KRTAP4-7: variants seen among roughly 807,000 people sequenced by gnomAD.
KRTAP4-7 encodes the protein keratin associated protein 4-7.
A neutral mutation model predicts 3.0 loss-of-function variants in KRTAP4-7; 1 was observed. The ratio of observed to expected loss-of-function variants is 0.33; its 90% CI spans 0.12 to 1.57. The LOEUF is 1.57. Among genes scored for constraint, KRTAP4-7 ranks in the 40% most tolerant of loss-of-function variants. KRTAP4-7 has a pLI of 0.37. For synonymous variants in KRTAP4-7, 70 were observed against 74.6 expected, an observed-to-expected ratio of 0.94 and a Z score of 0.32; for missense variants, 199 against 209.1, an observed-to-expected ratio of 0.95 and a Z score of 0.30.
exon 1 of KRTAP4-7, chr17:41,085,107 T>C (rs4544293): frequency 0.62 from 129,461 of 208,678 alleles, 40,589 homozygotes; most frequent in Middle Eastern, 0.69. Context: ...TGCTTTGTTG[T>C]ATCTCTGCTT....
exon 1 of KRTAP4-7, chr17:41,084,708 C>T: frequency 1.3e-6 from 2 of 1,554,626 alleles, no homozygotes; most frequent in Non-Finnish European, 1.7e-6. Flanking sequence ...CCCTTCACCA[C>T]TGGCCCACAG....
At chr17:41,085,020 A>G in exon 1 of KRTAP4-7, 1 of 397,740 alleles carries the variant, frequency 2.5e-6, no homozygotes, top group Non-Finnish European at 4.6e-6. Context: ...CTGCAGGACC[A>G]GTTTTGTCAC....
rs1357929013 is a variant in KRTAP4-7 at position 41,084,708 on chromosome 17, C to A, written c.*34C>A. ...CCCTGGCTCACGTCCCCCTTCACCA[C>A]TGGCCCACAGATGTAGACCCTTCTA... On this transcript the variant is annotated 3_prime_UTR_variant, in exon 1 of 1. Transcript: ENST00000391417. The A allele has an allele frequency of 3.2e-6, 5 of 1,554,508 alleles. No homozygotes were observed. In the African/African-American group the frequency reaches 6.8e-5, roughly 21 times the overall value.
rs961768158 is a variant in KRTAP4-7, at chr17:41,084,370, G to A, written c.164G>A (p.Cys55Tyr). Residue 55 changes from cysteine to tyrosine, a missense_variant, in exon 1 of 1, where the codon TGC becomes TAC. Transcript: ENST00000391417. Reference sequence around the variant, plus strand: ...TCCAGCTGCTGCAGGCCCCAGTGCTGCCAGTCTGTGTGCTGCCAACCCACC... The same window carrying A: ...TCCAGCTGCTGCAGGCCCCAGTGCTACCAGTCTGTGTGCTGCCAACCCACC... The A allele has an allele frequency of 6.4e-7, 1 of 1,574,642 alleles. No individual in the cohort carries two copies. Among genetic ancestry groups the A allele is most frequent in the Non-Finnish European group, 8.7e-7 (1 of 1,155,632 alleles).
At chr17:41,084,806 G>A in exon 1 of KRTAP4-7, 1 of 1,346,294 alleles carries the variant, frequency 7.4e-7, no homozygotes, top group Non-Finnish European at 1.0e-6. Flanking sequence ...CTTCCAAAGA[G>A]CCCACCACCA....
exon 1 of KRTAP4-7, chr17:41,084,952 C>T (rs1438533184): frequency 1.2e-5 from 7 of 595,852 alleles, no homozygotes; most frequent in Non-Finnish European, 8.8e-6. Flanking sequence ...TTCTGATTTC[C>T]TTATTTTCTT....
exon 1 of KRTAP4-7, chr17:41,084,368 C>T (rs1181473471): frequency 1.9e-6 from 3 of 1,574,842 alleles, no homozygotes; most frequent in Non-Finnish European, 2.6e-6. Context: ...GGCCCCAGTG[C>T]TGCCAGTCTG....
chr17:41,084,337 G>C, exon 1 of KRTAP4-7: 1 of 1,613,916 alleles, frequency 6.2e-7, no homozygotes, highest in Non-Finnish European at 8.5e-7. Context: ...CGCCCCAGCT[G>C]TTGTGTGTCC....
Position 41,084,654 on chromosome 17 carries a change from T to C in KRTAP4-7, c.448T>C (p.Cys150Arg), listed in dbSNP as rs753105638. ...CTCCACCTGTCCCCGCCCCTTGTGCTGTGCCTCCTCTTGCTGCTGAGCCCA... is the reference window on the plus strand; with the variant it reads ...CTCCACCTGTCCCCGCCCCTTGTGCCGTGCCTCCTCTTGCTGCTGAGCCCA... Residue 150 changes from cysteine to arginine, a missense_variant, in exon 1 of 1, where the codon TGT becomes CGT. Coordinates refer to ENST00000391417, the Ensembl canonical transcript of KRTAP4-7. The C allele has an allele frequency of 8.8e-6, 14 of 1,597,292 alleles. No individual in the cohort carries two copies. The Admixed American group carries it at 2.3e-4, about 26-fold the overall frequency.
At chr17:41,084,700 C>G (rs771992751) in exon 1 of KRTAP4-7, 4 of 1,562,592 alleles carry the variant, frequency 2.6e-6, no homozygotes, top group Non-Finnish European at 3.5e-6. Context: ...TCACGTCCCC[C>G]TTCACCACTG....
chr17:41,084,592 C>T lies in KRTAP4-7; in HGVS notation c.386C>T (p.Ser129Phe). 6.4e-7 allele frequency: 1 copy of T among 1,564,222 alleles called. No homozygotes were observed. The highest frequency in any genetic ancestry group is 8.7e-7 in the Non-Finnish European group (1 of 1,154,404). The stretch of plus-strand genomic sequence containing the variant: ...CTGCGTCCAGTCTGTGGCCGAGTCT[C>T]CTGCCACACCACTTGCTATCGCCCA... The change falls in exon 1 of 1, where the codon TCC becomes TTC. Residue 129 changes from serine to phenylalanine, a missense_variant. Coordinates refer to ENST00000391417, the Ensembl canonical transcript of KRTAP4-7.
In KRTAP4-7 at chr17:41,084,463, G is replaced by A. The variant is rs1346422780; in HGVS notation, c.257G>A (p.Arg86His). 3.7e-5 allele frequency: 56 copies of A among 1,516,914 alleles called. No homozygotes were observed. In the East Asian group the frequency reaches 7.6e-4, roughly 21 times the overall value. 94.0% of individuals were successfully genotyped at this position (1,516,914 alleles called of 1,614,324 possible). The stretch of plus-strand genomic sequence containing the variant: ...AGGTGCTGCATCTCCAGCTGCTGCC[G>A]CCCCAGCTGCTGTATGTCCAGCTGC... Residue 86 changes from arginine (R) to histidine (H), a missense_variant, in exon 1 of 1, where the codon CGC becomes CAC. Coordinates refer to ENST00000391417, the Ensembl canonical transcript of KRTAP4-7.
At chr17:41,084,462 C>T (rs772699575) in exon 1 of KRTAP4-7, 10 of 1,516,028 alleles carry the variant, frequency 6.6e-6, no homozygotes, top group African/African-American at 2.8e-5. Flanking sequence ...CAGCTGCTGC[C>T]GCCCCAGCTG....
At chr17:41,084,582 G>A in exon 1 of KRTAP4-7, 1 of 1,588,416 alleles carries the variant, frequency 6.3e-7, no homozygotes, top group Non-Finnish European at 8.6e-7. Flanking sequence ...TCCAGTCTGT[G>A]GCCGAGTCTC....
At chr17:41,084,360 C>A in exon 1 of KRTAP4-7, 1 of 1,575,200 alleles carries the variant, frequency 6.3e-7, no homozygotes. Flanking sequence ...CTGCTGCAGG[C>A]CCCAGTGCTG....
exon 1 of KRTAP4-7, chr17:41,084,378 G>C: frequency 7.0e-7 from 1 of 1,427,436 alleles, no homozygotes; most frequent in Non-Finnish European, 9.5e-7. Flanking sequence ...CTGCCAGTCT[G>C]TGTGCTGCCA....
At chr17:41,084,655 G>A (rs765351181) in exon 1 of KRTAP4-7, 1 of 1,597,026 alleles carries the variant, frequency 6.3e-7, no homozygotes, top group Non-Finnish European at 8.5e-7. Context: ...CCCTTGTGCT[G>A]TGCCTCCTCT....
At chr17:41,084,545 C>T in exon 1 of KRTAP4-7, 2 of 1,423,776 alleles carry the variant, frequency 1.4e-6, no homozygotes, top group Middle Eastern at 2.0e-4. Flanking sequence ...GCCGCCCCAG[C>T]TGCTGCCGCC....
chr17:41,084,194 C>T (rs1381101182), exon 1 of KRTAP4-7: 2 of 1,595,600 alleles, frequency 1.3e-6, no homozygotes, highest in Non-Finnish European at 1.7e-6. Flanking sequence ...CAGATCCTCC[C>T]CGTTCTGACA....
Sources: allele counts gnomAD v4.1 joint callset, GRCh38; gene constraint gnomAD v4.1.1; transcripts MANE v1.5; gene names NCBI Gene and HGNC (gene_info 2026-07-23, HGNC 2026-07-21).